Variants in CSMD2 observed in about 807,000 individuals in gnomAD.
The protein encoded by CSMD2 is CUB and Sushi multiple domains 2.
CSMD2 carries 130 observed loss-of-function variants against 398.5 expected under a neutral mutation model. That is an observed-to-expected ratio of 0.33 (90% CI 0.28 to 0.38). The LOEUF (loss-of-function observed/expected upper bound fraction) is 0.38, where lower values mean the gene tolerates loss of function less well. Among genes scored for constraint, CSMD2 ranks in the 10% least tolerant of loss-of-function variants. The probability of loss-of-function intolerance (pLI) is 1.00; values close to 1 mark genes in which losing one functional copy is unlikely to be tolerated. For synonymous variants in CSMD2, 1,828 were observed against 1,908.5 expected, an observed-to-expected ratio of 0.96 and a Z score of 1.10; for missense variants, 3,829 against 4,764.9, an observed-to-expected ratio of 0.80 and a Z score of 5.78.
intron 1 of CSMD2, among the ~76,000 whole-genome samples, chr1:34,101,389 C>T (rs757690120): frequency 6.6e-6 from 1 of 152,212 alleles, no homozygotes; most frequent in African/African-American, 2.4e-5. Flanking sequence ...CCAGGACAGA[C>T]TTCCAAATAG....
chr1:33,901,444 T>G (rs1642751376), intron 5 of CSMD2, among the ~76,000 whole-genome samples: 1 of 152,242 alleles, frequency 6.6e-6, no homozygotes, highest in Non-Finnish European at 1.5e-5. Context: ...GCCAAGTCCA[T>G]GCTCTGAAAG....
Position 34,032,637 on chromosome 1 carries a change from G to T in CSMD2, c.474C>A (p.Ser158Arg). 6.2e-7 allele frequency: 1 copy of T among 1,601,698 alleles called. No individual in the cohort carries two copies. Among genetic ancestry groups the T allele is most frequent in the Admixed American group, 1.7e-5 (1 of 58,396 alleles). The change falls in exon 3 of 71, where the codon AGC (serine) becomes AGA (arginine). Residue 158 changes from serine to arginine, a missense_variant. Physicochemically the swap from Ser to Arg is moderately radical, Grantham distance 110. This residue lies in a region of CSMD2 where 184 missense variants were observed against 217.7 expected (regional missense o/e 0.85). Transcript: ENST00000373381. ...AGCCTTGGGCACTGACTGCATAGTC[G>T]CTGATGAGGCGCAGAGAGAGGGTGG... The part of the protein sequence containing the change: ...AATTLSLRLI[S>R]DYAVSAQGFH...
At chr1:33,790,687 CT>C (rs1466560322) in intron 11 of CSMD2, among the ~76,000 whole-genome samples, 82 of 143,384 alleles carry the variant, frequency 5.7e-4, no homozygotes, top group African/African-American at 2.3e-3. Flanking sequence ...ATCTATCTAT[CT>C]ATCTATCTAT....
chr1:33,940,168 C>T (rs1047533609), intron 3 of CSMD2, among the ~76,000 whole-genome samples: 4 of 152,232 alleles, frequency 2.6e-5, no homozygotes, highest in African/African-American at 4.8e-5. Context: ...CTTGCAGATG[C>T]GTCATTCCAA....
At chr1:33,550,704 G>T (rs1169888632) in intron 55 of CSMD2, among the ~76,000 whole-genome samples, 1 of 152,152 alleles carries the variant, frequency 6.6e-6, no homozygotes, top group Non-Finnish European at 1.5e-5. Flanking sequence ...AGACAAAAAT[G>T]GGAGCTCTGT....
At chr1:33,576,623 AC>A (rs1638260999) in intron 49 of CSMD2, among the ~76,000 whole-genome samples, 1 of 152,146 alleles carries the variant, frequency 6.6e-6, no homozygotes, top group African/African-American at 2.4e-5. Flanking sequence ...ATACTTCCTC[AC>A]CATGATTTTC....
rs537093463 is a variant in CSMD2, at chr1:34,122,406, G to A, written c.188-33213C>T. The stretch of plus-strand genomic sequence containing the variant: ...CAGGGGACAAAATGGGATGGGCTGC[G>A]TCCAAGAGTAGCCTCCTGCTGTATC... On this transcript the variant is annotated intron_variant, in intron 1 of 70. Transcript: ENST00000373381. Among the ~76,000 whole-genome samples, 12 of 152,188 alleles carry A rather than the reference G, an allele frequency of 7.9e-5. No individual in the cohort carries two copies. The South Asian group carries it at 1.7e-3, about 21-fold the overall frequency.
At chr1:34,086,594 C>G (rs188993999) in intron 2 of CSMD2, among the ~76,000 whole-genome samples, 1 of 152,260 alleles carries the variant, frequency 6.6e-6, no homozygotes, top group African/African-American at 2.4e-5. Flanking sequence ...TAGCCCACAC[C>G]CAATGCAACA....
chr1:34,057,623 C>T (rs1479503349), intron 2 of CSMD2, among the ~76,000 whole-genome samples: 1 of 152,268 alleles, frequency 6.6e-6, no homozygotes, highest in Non-Finnish European at 1.5e-5. Flanking sequence ...CCCTTGCCTC[C>T]GCCTCTTGGC....
intron 10 of CSMD2, among the ~76,000 whole-genome samples, chr1:33,809,917 T>C (rs1427887246): frequency 6.6e-6 from 1 of 152,052 alleles, no homozygotes; most frequent in Non-Finnish European, 1.5e-5. Context: ...ATAGCAACGA[T>C]AAATATAAGA....
chr1:33,803,856 A>T (rs1410531296), intron 10 of CSMD2, among the ~76,000 whole-genome samples: 11 of 152,244 alleles, frequency 7.2e-5, no homozygotes, highest in Non-Finnish European at 1.2e-4. Context: ...TTCAGGAGAT[A>T]GAGTGATCCT....
chr1:34,024,767 A>G (rs879604427), intron 3 of CSMD2, among the ~76,000 whole-genome samples: 1 of 152,172 alleles, frequency 6.6e-6, no homozygotes. Context: ...GGAGTGGCTT[A>G]AATGCTGCAA....
In CSMD2 at chr1:34,164,451, C is replaced by T. The variant is rs1025780129; in HGVS notation, c.187+460G>A. ...GGCAGGGAAGGGCAGACCTTGCAGA[C>T]GCAGAAATGGGGAGGGGGCGCACGG... is the stretch of plus-strand genomic sequence containing the variant. On this transcript the variant is annotated intron_variant, in intron 1 of 70. Transcript: ENST00000373381. This position sits in a 1 kb window ranked among gnomAD's most constrained non-coding sequence, Gnocchi z 6.2. 6.6e-6 allele frequency among the ~76,000 whole-genome samples: 1 copy of T among 152,096 alleles called. No individual in the cohort carries two copies. Among genetic ancestry groups the T allele is most frequent in the East Asian group, 2.0e-4 (1 of 5,090 alleles).
intron 1 of CSMD2, among the ~76,000 whole-genome samples, chr1:34,159,333 C>T (rs999309369): frequency 2.3e-4 from 16 of 69,334 alleles, no homozygotes; most frequent in South Asian, 5.0e-4. Flanking sequence ...AGCCTGCCCC[C>T]CCCCCACCCA....
chr1:33,828,648 G>A lies in CSMD2; in HGVS notation c.1034-2874C>T, dbSNP rs1489243355. 3.3e-5 allele frequency among the ~76,000 whole-genome samples: 5 copies of A among 152,238 alleles called. No homozygotes were observed. In the South Asian group the frequency reaches 6.2e-4, roughly 19 times the overall value. On this transcript the variant is annotated intron_variant, in intron 6 of 70. Transcript: ENST00000373381. ...CACTGTGAGATATGTGTGGCCATGA[G>A]GGGAGGCGATGCTAAGAGGGAGCCT...
chr1:33,988,632 T>C (rs569938134), intron 3 of CSMD2, among the ~76,000 whole-genome samples: 10 of 152,260 alleles, frequency 6.6e-5, no homozygotes, highest in African/African-American at 2.4e-4. Flanking sequence ...GAGCAGGGAC[T>C]TGTTCCACTT....
At chr1:33,767,220 G>C (rs1319528722) in intron 13 of CSMD2, among the ~76,000 whole-genome samples, 1 of 152,146 alleles carries the variant, frequency 6.6e-6, no homozygotes, top group Non-Finnish European at 1.5e-5. Context: ...ATGCAAAATG[G>C]TATGCTCACT....
chr1:33,622,060 G>A, intron 37 of CSMD2, 107 bp downstream of exon 37: 1 of 834,402 alleles, frequency 1.2e-6, no homozygotes, highest in South Asian at 1.5e-5. Context: ...GAAGGCTTAA[G>A]TGGGATGGAC....
At chr1:34,110,495 T>C (rs1446650637) in intron 1 of CSMD2, among the ~76,000 whole-genome samples, 3 of 151,900 alleles carry the variant, frequency 2.0e-5, no homozygotes, top group Non-Finnish European at 2.9e-5. Flanking sequence ...ATATACACCA[T>C]GGAATGCTAT....
Sources: allele counts gnomAD v4.1 joint callset (sites outside exome capture counted in the v4.1 genomes callset), GRCh38; gene constraint gnomAD v4.1.1; regional missense constraint gnomAD v4.1.1; non-coding constraint Gnocchi (gnomAD v3.1); transcripts MANE v1.5; gene names NCBI Gene and HGNC (gene_info 2026-07-23, HGNC 2026-07-21).